Variants in MAT2B observed in about 807,000 individuals in gnomAD.
MAT2B encodes the protein methionine adenosyltransferase 2 non-catalytic beta subunit.
In MAT2B, 16 loss-of-function variants were observed where a neutral mutation model predicts 36.1. The observed-to-expected ratio is 0.44, with a 90% CI of 0.30 to 0.67. The LOEUF (loss-of-function observed/expected upper bound fraction) is 0.67. Among genes scored for constraint, MAT2B ranks in the 30% least tolerant of loss-of-function variants. MAT2B has a pLI of 0.09. For synonymous variants in MAT2B, 148 were observed against 136.9 expected, an observed-to-expected ratio of 1.08 and a Z score of -0.57; for missense variants, 332 against 398.2, an observed-to-expected ratio of 0.83 and a Z score of 1.42.
rs761437620 is a variant in MAT2B at position 163,516,579 on chromosome 5, T to C, written c.588T>C (p.Ala196=). 1 of 1,614,230 alleles carries C rather than the reference T, an allele frequency of 6.2e-7. No individual in the cohort carries two copies. The highest frequency in any genetic ancestry group is 1.7e-5 in the Admixed American group (1 of 60,030). Residue 196 remains alanine, a synonymous_variant, in exon 5 of 7, where the codon GCT becomes GCC. Coordinates refer to ENST00000321757, the MANE Select transcript of MAT2B (RefSeq NM_013283.5). Reference sequence around the variant, plus strand: ...AAGTTGAAAAGCTCGAAGAAAGTGCTGTGACTGTTATGTTTGATAAAGTGC... The same window carrying C: ...AAGTTGAAAAGCTCGAAGAAAGTGCCGTGACTGTTATGTTTGATAAAGTGC... ...YGEVEKLEES[A]VTVMFDKVQF...
chr5:163,508,611 G>T lies in MAT2B; in HGVS notation c.63+2862G>T, dbSNP rs563425772. ...TAACACGTTAGTTTTCTTTTTTTTG[G>T]TTTTTTTGTTTGTTTGTTTTTTTGA... On this transcript the variant is annotated intron_variant, in intron 1 of 6. Transcript: ENST00000321757. Among the ~76,000 whole-genome samples, 56 of 151,860 alleles carry T rather than the reference G, an allele frequency of 3.7e-4. No individual in the cohort carries two copies. The South Asian group carries it at 5.2e-3, about 14-fold the overall frequency.
intron 1 of MAT2B, among the ~76,000 whole-genome samples, chr5:163,510,508 G>T (rs113097284): frequency 6.8e-6 from 1 of 147,530 alleles, no homozygotes; most frequent in Non-Finnish European, 1.5e-5. Flanking sequence ...CAATTCTCCC[G>T]CCTCGCCTCC....
At chr5:163,503,209 A>T (rs1480966194), upstream of MAT2B, 3 of 579,296 alleles carry the variant, frequency 5.2e-6, no homozygotes, top group Non-Finnish European at 6.3e-6. Flanking sequence ...GCTTACTGCC[A>T]TGTGGAGAAC....
chr5:163,504,665 G>GGTTT (rs1266312082), upstream of MAT2B, among the ~76,000 whole-genome samples: 2 of 152,210 alleles, frequency 1.3e-5, no homozygotes, highest in Admixed American at 1.3e-4. Context: ...CCTGTGCCAG[G>GGTTT]GTTTACTTTC....
Position 163,513,919 on chromosome 5 carries a change from G to A in MAT2B, c.451G>A (p.Asp151Asn). The A allele has an allele frequency of 1.2e-6, 2 of 1,613,622 alleles. No individual in the cohort carries two copies. Among genetic ancestry groups the A allele is most frequent in the Non-Finnish European group, 1.7e-6 (2 of 1,179,702 alleles). ...DGTNPPYREEDIPAPLNLYGK... is the reference protein window; with the variant it reads ...DGTNPPYREENIPAPLNLYGK... ...AACAAATCCACCTTACAGAGAGGAA[G>A]ACATACCAGCTCCCCTAAATTTGTA... is the stretch of plus-strand genomic sequence containing the variant. Residue 151 changes from aspartate (D) to asparagine (N), a missense_variant, in exon 4 of 7, where the codon GAC (aspartate) becomes AAC (asparagine). Asp to Asn is a conservative substitution (Grantham distance 23). Transcript: ENST00000321757.
At chr5:163,510,951 C>T (rs1323449087) in intron 1 of MAT2B, among the ~76,000 whole-genome samples, 2 of 152,122 alleles carry the variant, frequency 1.3e-5, no homozygotes, top group Non-Finnish European at 2.9e-5. Context: ...AGATTTGACG[C>T]AAATACTAAT....
At chr5:163,517,972 G>A in intron 6 of MAT2B, 1 of 507,352 alleles carries the variant, frequency 2.0e-6, no homozygotes, top group Non-Finnish European at 3.5e-6. Context: ...CCTCAAAATG[G>A]CCAGGCACAA....
Position 163,512,070 on chromosome 5 carries a change from A to G in MAT2B, c.132A>G (p.Val44=), listed in dbSNP as rs1252673690. 6.2e-7 allele frequency: 1 copy of G among 1,614,200 alleles called. No homozygotes were observed. The highest frequency in any genetic ancestry group is 8.5e-7 in the Non-Finnish European group (1 of 1,179,992). Residue 44 remains valine, a synonymous_variant, in exon 2 of 7, where the codon GTA becomes GTG. Transcript: ENST00000321757. ...TGATGLLGRA[V]HKEFQQNNWH... The stretch of plus-strand genomic sequence containing the variant: ...CCACTGGGCTTCTTGGCAGAGCTGT[A>G]CACAAAGAATTTCAGCAGAATAATT...
chr5:163,506,122 GAGAA>G (rs1192526062), intron 1 of MAT2B, among the ~76,000 whole-genome samples: 1 of 152,200 alleles, frequency 6.6e-6, no homozygotes, highest in Non-Finnish European at 1.5e-5. Context: ...TCGTAGGTTT[GAGAA>G]AGAACAGGAA....
In MAT2B at chr5:163,515,442, A is replaced by C. The variant is rs1289151056; in HGVS notation, c.527-1076A>C. Among the ~76,000 whole-genome samples the C allele has an allele frequency of 2.0e-5, 3 of 152,170 alleles. No individual in the cohort carries two copies. In the South Asian group the frequency reaches 6.2e-4, roughly 31 times the overall value. Reference sequence around the variant, plus strand: ...ACCCATTGATAATTAGTTGAATTTCATCTCCAAATACTTTACCTTTCTTTT... The same window carrying C: ...ACCCATTGATAATTAGTTGAATTTCCTCTCCAAATACTTTACCTTTCTTTT... On this transcript the variant is annotated intron_variant, in intron 4 of 6. Coordinates refer to ENST00000321757, the MANE Select transcript of MAT2B (RefSeq NM_013283.5).
intron 5 of MAT2B, chr5:163,516,992 AGAAG>A (rs1193616737): frequency 1.9e-6 from 1 of 538,740 alleles, no homozygotes; most frequent in Non-Finnish European, 3.3e-6. Flanking sequence ...AGGTCTTTTA[AGAAG>A]ATACTCTTTG....
intron 1 of MAT2B, among the ~76,000 whole-genome samples, chr5:163,509,559 G>T (rs1365079529): frequency 2.0e-5 from 3 of 152,180 alleles, no homozygotes; most frequent in South Asian, 2.1e-4. Context: ...ACTGAAGCAC[G>T]AGAACCACTG....
chr5:163,511,847 C>T (rs144238836), intron 1 of MAT2B, among the ~76,000 whole-genome samples, 155 bp from the exon 2 acceptor site: 39 of 152,188 alleles, frequency 2.6e-4, no homozygotes, highest in Admixed American at 1.8e-3. Context: ...GCCTGATGCC[C>T]GACCCTAACT....
chr5:163,507,487 G>GTT (rs779120930), intron 1 of MAT2B, among the ~76,000 whole-genome samples: 1 of 152,150 alleles, frequency 6.6e-6, no homozygotes, highest in Non-Finnish European at 1.5e-5. Context: ...AGGCAGATAC[G>GTT]TTTAGAGTAA....
Position 163,513,917 on chromosome 5 carries a change from A to G in MAT2B, c.449A>G (p.Glu150Gly). ...GGAACAAATCCACCTTACAGAGAGG[A>G]AGACATACCAGCTCCCCTAAATTTG... Reference protein sequence around the residue: ...FDGTNPPYREEDIPAPLNLYG... With the variant: ...FDGTNPPYREGDIPAPLNLYG... The change falls in exon 4 of 7, where the codon GAA (glutamate) becomes GGA (glycine). Residue 150 changes from glutamate to glycine, a missense_variant. Glu to Gly is a moderately conservative substitution (Grantham distance 98, BLOSUM62 -2). Coordinates refer to ENST00000321757, the MANE Select transcript of MAT2B (RefSeq NM_013283.5). The G allele has an allele frequency of 6.2e-7, 1 of 1,613,596 alleles. No homozygotes were observed. Among genetic ancestry groups the G allele is most frequent in the Non-Finnish European group, 8.5e-7 (1 of 1,179,688 alleles).
chr5:163,516,291 C>T (rs1297646667), intron 4 of MAT2B, among the ~76,000 whole-genome samples: 2 of 152,124 alleles, frequency 1.3e-5, no homozygotes, highest in Non-Finnish European at 2.9e-5. Context: ...TTCAAGTGAT[C>T]CTTCTGCCTT....
Position 163,517,551 on chromosome 5 carries a change from T to A in MAT2B, c.721-10T>A. The stretch of plus-strand genomic sequence containing the variant: ...TGAAACTATTGAATTTATTGTGTCA[T>A]CGTTCTTAGGATCCATCAATTAAGG... On this transcript the variant is annotated splice_polypyrimidine_tract_variant and intron_variant, in intron 5 of 6. Transcript: ENST00000321757. 1 of 1,505,004 alleles carries A rather than the reference T, an allele frequency of 6.6e-7. No individual in the cohort carries two copies. Among genetic ancestry groups the A allele is most frequent in the Non-Finnish European group, 9.3e-7 (1 of 1,080,704 alleles). 93.2% of individuals were successfully genotyped at this position (1,505,004 alleles called of 1,614,324 possible). A position where few individuals can be genotyped will look rare whatever the true frequency, so the allele number is the denominator to read the frequency against.
At chr5:163,505,799 G>C in intron 1 of MAT2B, 50 bp downstream of exon 1, 16 of 1,239,434 alleles carry the variant, frequency 1.3e-5, no homozygotes, top group Non-Finnish European at 1.6e-5. Context: ...GCGCCGAGGG[G>C]GACGAGCCAC....
Position 163,513,897 on chromosome 5 carries a change from A to C in MAT2B, c.429A>C (p.Thr143=), listed in dbSNP as rs372864990. 1.9e-6 allele frequency: 3 copies of C among 1,613,234 alleles called. No homozygotes were observed. Among genetic ancestry groups the C allele is most frequent in the Non-Finnish European group, 2.5e-6 (3 of 1,179,676 alleles). Residue 143 remains threonine, a synonymous_variant, in exon 4 of 7, where the codon ACA becomes ACC. Coordinates refer to ENST00000321757, the MANE Select transcript of MAT2B (RefSeq NM_013283.5). ...GCTCAGATTATGTATTTGATGGAACAAATCCACCTTACAGAGAGGAAGACA... is the reference window on the plus strand; with the variant it reads ...GCTCAGATTATGTATTTGATGGAACCAATCCACCTTACAGAGAGGAAGACA... ...YISSDYVFDG[T]NPPYREEDIP...
Sources: allele counts gnomAD v4.1 joint callset (sites outside exome capture counted in the v4.1 genomes callset), GRCh38; gene constraint gnomAD v4.1.1; transcripts MANE v1.5; gene names NCBI Gene and HGNC (gene_info 2026-07-23, HGNC 2026-07-21).